The following NECTIN2 variants were observed in gnomAD, a reference collection of about 807,000 sequenced individuals.
NECTIN2 encodes the protein nectin cell adhesion molecule 2.
A neutral mutation model predicts 56.9 loss-of-function variants in NECTIN2; 23 were observed. That is an observed-to-expected ratio of 0.40 (90% CI 0.29 to 0.57). NECTIN2 has a LOEUF of 0.57. Ranked by LOEUF, NECTIN2 falls within the 20% of genes least tolerant of loss-of-function variation. The pLI is 0.38. For synonymous variants in NECTIN2, 302 were observed against 313.8 expected, an observed-to-expected ratio of 0.96 and a Z score of 0.40; for missense variants, 587 against 718.3, an observed-to-expected ratio of 0.82 and a Z score of 2.09.
chr19:44,854,765 A>T (rs535482599), intron 1 of NECTIN2, among the ~76,000 whole-genome samples: 1 of 152,028 alleles, frequency 6.6e-6, no homozygotes, highest in African/African-American at 2.4e-5. Flanking sequence ...GTGAGCCCAG[A>T]TTGCGCCACT....
At position 44,865,328 on chromosome 19, in the gene NECTIN2, C is replaced by T. The variant is rs1349919506; in HGVS notation, c.146C>T (p.Thr49Ile). 3 of 1,613,946 alleles carry T rather than the reference C, an allele frequency of 1.9e-6. No individual in the cohort carries two copies. Among genetic ancestry groups the T allele is most frequent in the Non-Finnish European group, 8.5e-7 (1 of 1,179,984 alleles). The change falls in exon 2 of 9, where the codon ACC becomes ATC. Residue 49 changes from threonine to isoleucine, a missense_variant. Coordinates refer to ENST00000252483, the MANE Select transcript of NECTIN2 (RefSeq NM_001042724.2). The surrounding 1 kb of genome is among the most constrained non-coding windows in gnomAD (Gnocchi z 5.2). Reference sequence around the variant, plus strand: ...GAGGTGCGAGGCCAGCTCGGGGGCACCGTGGAGCTGCCGTGCCACCTGCTG... The same window carrying T: ...GAGGTGCGAGGCCAGCTCGGGGGCATCGTGGAGCTGCCGTGCCACCTGCTG... The part of the protein sequence containing the change: ...LPEVRGQLGG[T>I]VELPCHLLPP...
In NECTIN2 at chr19:44,865,938, C is replaced by T. The variant is rs985773816; in HGVS notation, c.478+278C>T. Among the ~76,000 whole-genome samples the T allele has an allele frequency of 1.1e-4, 16 of 152,058 alleles. No homozygotes were observed. The highest frequency in any genetic ancestry group is 2.7e-4 in the African/African-American group (11 of 41,394). On this transcript the variant is annotated intron_variant, in intron 2 of 8. Transcript: ENST00000252483. This position sits in a 1 kb window ranked among gnomAD's most constrained non-coding sequence, Gnocchi z 5.2. ...CTGTAATCCTAGCACTTTGGAAGGC[C>T]GAGATGGGCAGATCGCCTGAGGTCA...
chr19:44,850,174 G>A (rs1341604590), intron 1 of NECTIN2, among the ~76,000 whole-genome samples: 1 of 152,094 alleles, frequency 6.6e-6, no homozygotes, highest in Admixed American at 6.6e-5. Flanking sequence ...TCCAGCCTGG[G>A]CCACAGAGCA....
At chr19:44,881,160 G>T (rs997568780) in intron 5 of NECTIN2, among the ~76,000 whole-genome samples, 3 of 151,678 alleles carry the variant, frequency 2.0e-5, no homozygotes, top group African/African-American at 7.3e-5. Flanking sequence ...CGCCCGCCTC[G>T]CCCTCCCAAA....
Position 44,865,397 on chromosome 19 carries a change from G to A in NECTIN2, c.215G>A (p.Arg72His), listed in dbSNP as rs775452756. The A allele has an allele frequency of 5.6e-6, 9 of 1,614,020 alleles. No individual in the cohort carries two copies. The highest frequency in any genetic ancestry group is 1.3e-5 in the African/African-American group (1 of 74,916). The change falls in exon 2 of 9, where the codon CGC becomes CAC. Residue 72 changes from arginine to histidine, a missense_variant. By Grantham distance (29) the Arg-to-His change is conservative (BLOSUM62 0). Coordinates refer to ENST00000252483, the MANE Select transcript of NECTIN2 (RefSeq NM_001042724.2). The surrounding 1 kb of genome is among the most constrained non-coding windows in gnomAD (Gnocchi z 5.2). ...GLYISLVTWQ[R>H]PDAPANHQNV... Reference sequence around the variant, plus strand: ...TACATCTCCCTGGTGACCTGGCAGCGCCCAGATGCACCTGCGAACCACCAG... The same window carrying A: ...TACATCTCCCTGGTGACCTGGCAGCACCCAGATGCACCTGCGAACCACCAG...
At chr19:44,852,949 A>T (rs1968918260) in intron 1 of NECTIN2, among the ~76,000 whole-genome samples, 1 of 152,092 alleles carries the variant, frequency 6.6e-6, no homozygotes, top group Admixed American at 6.6e-5. Flanking sequence ...TCTACAAAAA[A>T]AAATTTTTTT....
At chr19:44,879,670 C>G (rs1969286495) in intron 5 of NECTIN2, among the ~76,000 whole-genome samples, 1 of 152,080 alleles carries the variant, frequency 6.6e-6, no homozygotes, top group Non-Finnish European at 1.5e-5. Context: ...AACTCCCAGG[C>G]TCAGTAAGGG....
chr19:44,849,123 C>T (rs370349653), intron 1 of NECTIN2, among the ~76,000 whole-genome samples: 2 of 151,972 alleles, frequency 1.3e-5, no homozygotes, highest in Non-Finnish European at 2.9e-5. Context: ...TAGAGGGAAG[C>T]GGTCAGACAC....
chr19:44,874,487 G>A lies in NECTIN2; in HGVS notation c.1042+9G>A. On this transcript the variant is annotated intron_variant, in intron 5 of 8. Transcript: ENST00000252483. The surrounding 1 kb of genome is among the most constrained non-coding windows in gnomAD (Gnocchi z 6.3). ...GGTCATCTTTGTCCGAGGTGAGTGG[G>A]TCTTGGGGGCCGTGTGTGGAGACCT... is the stretch of plus-strand genomic sequence containing the variant. 1 of 1,612,582 alleles carries A rather than the reference G, an allele frequency of 6.2e-7. No homozygotes were observed. The highest frequency in any genetic ancestry group is 8.5e-7 in the Non-Finnish European group (1 of 1,179,982).
intron 1 of NECTIN2, among the ~76,000 whole-genome samples, chr19:44,851,894 A>AGC (rs1157663924): frequency 3.9e-5 from 6 of 152,112 alleles, no homozygotes; most frequent in Non-Finnish European, 7.4e-5. Context: ...GCGTCTGGGC[A>AGC]GCGGCCCTCA....
At chr19:44,885,254 C>T (rs1969347215) in intron 6 of NECTIN2, among the ~76,000 whole-genome samples, 1 of 151,762 alleles carries the variant, frequency 6.6e-6, no homozygotes, top group Non-Finnish European at 1.5e-5. Context: ...CCTCGGCCTC[C>T]CAAAGTGCTG....
At chr19:44,864,023 A>C (rs11454806) in intron 1 of NECTIN2, among the ~76,000 whole-genome samples, 1,518 of 129,626 alleles carry the variant, frequency 0.012, 70 homozygotes, top group Admixed American at 0.089. Flanking sequence ...CCCCCCCCCC[A>C]AAAAAAAATC....
Position 44,878,675 on chromosome 19 carries a change from C to T in NECTIN2, c.1043-3536C>T, listed in dbSNP as rs1020342508. On this transcript the variant is annotated intron_variant, in intron 5 of 8. Transcript: ENST00000252483. ...CCGGCCCTCCCGCCCCCGACCTGAC[C>T]ACGCCGGCCTAGGGTTCCAGACTGG... 1.1e-5 allele frequency: 17 copies of T among 1,538,700 alleles called. No individual in the cohort carries two copies. In the African/African-American group the frequency reaches 1.9e-4, roughly 17 times the overall value.
intron 2 of NECTIN2, among the ~76,000 whole-genome samples, chr19:44,870,913 A>G (rs1969167170): frequency 1.3e-5 from 2 of 151,964 alleles, no homozygotes; most frequent in South Asian, 4.2e-4. Flanking sequence ...CATTTTTAGT[A>G]GAGATGGGGT....
Position 44,882,213 on chromosome 19 carries a change from A to AC in NECTIN2, c.1050dup (p.Asn351GlnfsTer91). The AC allele has an allele frequency of 2.1e-6, 3 of 1,459,680 alleles. No homozygotes were observed. The highest frequency in any genetic ancestry group is 1.8e-6 in the Non-Finnish European group (2 of 1,096,464). 90.4% of individuals were successfully genotyped at this position (1,459,680 alleles called of 1,614,324 possible). ...TCACGCTGTCCCTCTCCTTGCAGAG[A>AC]CCCCCAACACAGCAGGCGCAGGGGC... On this transcript the variant is annotated frameshift_variant, in exon 6 of 9. Transcript: ENST00000252483. LOFTEE classifies it high-confidence loss of function.
intron 2 of NECTIN2, among the ~76,000 whole-genome samples, chr19:44,866,194 G>A (rs1252758073): frequency 6.6e-6 from 1 of 151,628 alleles, no homozygotes; most frequent in Non-Finnish European, 1.5e-5. Context: ...AAAGTATTGA[G>A]GTTGGGTGTG....
Position 44,874,282 on chromosome 19 carries a change from C to T in NECTIN2, c.894-48C>T, listed in dbSNP as rs1330767295. The T allele has an allele frequency of 3.8e-6, 6 of 1,588,616 alleles. No homozygotes were observed. Among genetic ancestry groups the T allele is most frequent in the Non-Finnish European group, 5.2e-6 (6 of 1,157,450 alleles). Reference sequence around the variant, plus strand: ...TATCTTTAGGGATGAGGCCTGTGCTCCCCTCTCGACCTTGGTATCCCTCTC... The same window carrying T: ...TATCTTTAGGGATGAGGCCTGTGCTTCCCTCTCGACCTTGGTATCCCTCTC... On this transcript the variant is annotated intron_variant, in intron 4 of 8. Transcript: ENST00000252483. This position sits in a 1 kb window ranked among gnomAD's most constrained non-coding sequence, Gnocchi z 6.3.
intron 5 of NECTIN2, among the ~76,000 whole-genome samples, chr19:44,878,012 T>C (rs1969259187): frequency 6.6e-6 from 1 of 152,038 alleles, no homozygotes; most frequent in Non-Finnish European, 1.5e-5. Context: ...GCTCAGGCTG[T>C]AGCGAAGGGC....
intron 1 of NECTIN2, among the ~76,000 whole-genome samples, chr19:44,857,918 A>C (rs1968986478): frequency 6.6e-6 from 1 of 152,190 alleles, no homozygotes; most frequent in Non-Finnish European, 1.5e-5. Context: ...TTGAAACAGC[A>C]TAAGGTATCT....
Sources: gnomAD v4.1 joint callset for allele counts (sites outside exome capture counted in the v4.1 genomes callset) on GRCh38, gnomAD v4.1.1 for gene constraint, Gnocchi (gnomAD v3.1) non-coding constraint, MANE v1.5 for transcripts, NCBI Gene and HGNC (gene_info 2026-07-23, HGNC 2026-07-21) for gene names.